UNC93A: variants seen among roughly 807,000 people sequenced by gnomAD.
UNC93A encodes unc-93 homolog A, also known as N-acetylglucosamine transporter UNC93A.
Under a neutral mutation model 47.5 loss-of-function variants are expected in UNC93A, and 43 were observed. The ratio of observed to expected loss-of-function variants is 0.91; its 90% CI spans 0.71 to 1.17. The LOEUF (loss-of-function observed/expected upper bound fraction) is 1.17. UNC93A is among the 50% of genes most tolerant of loss of function. The pLI, the probability that UNC93A is intolerant of heterozygous loss-of-function variation, is 0.00. For missense variants in UNC93A, 605 were observed against 577.6 expected, an observed-to-expected ratio of 1.05 and a Z score of -0.49; for synonymous variants, 280 against 258.0, an observed-to-expected ratio of 1.09 and a Z score of -0.82.
chr6:167,287,116 C>T (rs999581448), upstream of UNC93A, among the ~76,000 whole-genome samples: 2 of 152,024 alleles, frequency 1.3e-5, no homozygotes, highest in Non-Finnish European at 2.9e-5. Flanking sequence ...CAATCACAGC[C>T]GTATTTGGCT....
chr6:167,272,666 C>T (rs1414122205), intron 1 of UNC93A, among the ~76,000 whole-genome samples: 3 of 152,128 alleles, frequency 2.0e-5, no homozygotes, highest in African/African-American at 7.2e-5. Flanking sequence ...TTTGGGGGAC[C>T]TATTGCTATT....
intron 7 of UNC93A, among the ~76,000 whole-genome samples, chr6:167,312,838 A>G (rs376035205): frequency 2.9e-4 from 44 of 152,238 alleles, no homozygotes; most frequent in African/African-American, 1.0e-3. Context: ...TGTTTGGATT[A>G]AAATAGGAAC....
chr6:167,308,424 C>A (rs1778462304), intron 7 of UNC93A, among the ~76,000 whole-genome samples: 1 of 152,072 alleles, frequency 6.6e-6, no homozygotes, highest in Non-Finnish European at 1.5e-5. Flanking sequence ...TCTGGGGCAT[C>A]CTGGGCAGTG....
intron 4 of UNC93A, among the ~76,000 whole-genome samples, chr6:167,299,562 G>A (rs747213444): frequency 6.6e-6 from 1 of 152,218 alleles, no homozygotes; most frequent in Non-Finnish European, 1.5e-5. Flanking sequence ...CCTTTAGTAA[G>A]CTGAGAGCCT....
At chr6:167,303,281 A>G (rs781161363) in intron 4 of UNC93A, among the ~76,000 whole-genome samples, 5 of 152,040 alleles carry the variant, frequency 3.3e-5, no homozygotes, top group South Asian at 2.1e-4. Context: ...ACTAAATTCA[A>G]TTGGTAGCGC....
At chr6:167,295,565 C>T (rs1182298496) in intron 2 of UNC93A, among the ~76,000 whole-genome samples, 5 of 85,794 alleles carry the variant, frequency 5.8e-5, no homozygotes, top group African/African-American at 2.9e-4. Context: ...CTCCTCGCCT[C>T]CCTCGTGATC....
At chr6:167,281,863 G>A (rs912386886) in intron 1 of UNC93A, among the ~76,000 whole-genome samples, 3 of 152,264 alleles carry the variant, frequency 2.0e-5, no homozygotes, top group South Asian at 2.1e-4. Flanking sequence ...CTCACCCCTT[G>A]ACTTTCCTTT....
upstream of UNC93A, among the ~76,000 whole-genome samples, chr6:167,289,982 G>A (rs910683057): frequency 1.3e-5 from 2 of 152,192 alleles, no homozygotes; most frequent in Non-Finnish European, 2.9e-5. Context: ...TGGTGAAGTT[G>A]AACCATATAT....
chr6:167,298,043 G>A lies in UNC93A; in HGVS notation c.598G>A (p.Val200Ile), dbSNP rs753048382. ...CACCCAGAGGCCCTCCCAGCAGCTG[G>A]TCTACACCCTCCTGGGCATCTACAC... ...NSTQRPSQQL[V>I]YTLLGIYTGS... Residue 200 changes from valine to isoleucine, a missense_variant, in exon 4 of 8, where the codon GTC becomes ATC. By Grantham distance (29) the Val-to-Ile change is conservative. Coordinates refer to ENST00000230256, the MANE Select transcript of UNC93A (RefSeq NM_018974.4). 11 of 1,613,794 alleles carry A rather than the reference G, an allele frequency of 6.8e-6. No individual in the cohort carries two copies. Among genetic ancestry groups the A allele is most frequent in the Middle Eastern group, 1.6e-4 (1 of 6,062 alleles).
In UNC93A at chr6:167,296,137, G is replaced by T. The variant is rs780488509; in HGVS notation, c.375G>T (p.Lys125Asn). ...TCACGGGAAACACACATGCAGAGAA[G>T]GCGGGAAAGCGTGGCAAAGACATGG... ...LTITGNTHAE[K>N]AGKRGKDMVN... is the part of the protein sequence containing the mutation. Residue 125 changes from lysine to asparagine, a missense_variant, in exon 3 of 8, where the codon AAG becomes AAT. Transcript: ENST00000230256. The T allele has an allele frequency of 6.2e-7, 1 of 1,614,224 alleles. No homozygotes were observed. The highest frequency in any genetic ancestry group is 1.7e-5 in the Admixed American group (1 of 60,026).
At chr6:167,298,138 C>T in intron 4 of UNC93A, 68 bp downstream of exon 4, 1 of 1,554,302 alleles carries the variant, frequency 6.4e-7, no homozygotes, top group Non-Finnish European at 8.7e-7. Flanking sequence ...CCTGGGCTGA[C>T]AAAGACTGTC....
Position 167,315,850 on chromosome 6 carries a change from T to C in UNC93A, c.*398T>C. On this transcript the variant is annotated 3_prime_UTR_variant, in exon 8 of 8. Coordinates refer to ENST00000230256, the MANE Select transcript of UNC93A (RefSeq NM_018974.4). Reference sequence around the variant, plus strand: ...TTTACAAATGGGCGAACTTTTAAACTTCTAACTCTACTTGGATCAAAACCT... The same window carrying C: ...TTTACAAATGGGCGAACTTTTAAACCTCTAACTCTACTTGGATCAAAACCT... The C allele has an allele frequency of 1.1e-5, 2 of 187,936 alleles. No homozygotes were observed. The highest frequency in any genetic ancestry group is 1.7e-4 in the East Asian group (1 of 5,814). The allele number at this position is 187,936 out of a possible 1,614,324, so 11.6% of individuals were successfully genotyped here.
At chr6:167,287,396 C>T (rs117571342), upstream of UNC93A, among the ~76,000 whole-genome samples, 6,662 of 152,226 alleles carry the variant, frequency 0.044, 213 homozygotes, top group Non-Finnish European at 0.068. Context: ...CCCTATCGTC[C>T]CACCTGCTCT....
chr6:167,280,544 A>G (rs905374300), intron 1 of UNC93A, among the ~76,000 whole-genome samples: 1 of 152,072 alleles, frequency 6.6e-6, no homozygotes, highest in African/African-American at 2.4e-5. Context: ...GTTTCCATGG[A>G]TAATTTAAAA....
At chr6:167,284,025 T>G (rs1332223170) in intron 1 of UNC93A, among the ~76,000 whole-genome samples, 1 of 152,190 alleles carries the variant, frequency 6.6e-6, no homozygotes, top group Non-Finnish European at 1.5e-5. Flanking sequence ...GCCTGTACGT[T>G]CTACTAAAAC....
chr6:167,269,995 G>A (rs1583054081), upstream of UNC93A, among the ~76,000 whole-genome samples: 1 of 142,636 alleles, frequency 7.0e-6, no homozygotes, highest in East Asian at 2.2e-4. Context: ...TCTGCAGCTG[G>A]CCCTGGTAGA....
chr6:167,299,942 G>A (rs6923238), intron 4 of UNC93A, among the ~76,000 whole-genome samples: 11,378 of 152,252 alleles, frequency 0.075, 542 homozygotes, highest in East Asian at 0.22. Context: ...GAGAGACAGC[G>A]GGCAGAGACC....
At chr6:167,313,878 A>C (rs1778621688) in intron 7 of UNC93A, among the ~76,000 whole-genome samples, 1 of 152,194 alleles carries the variant, frequency 6.6e-6, no homozygotes, top group Admixed American at 6.5e-5. Context: ...CAACTAAATC[A>C]AAATTTGGTT....
chr6:167,280,519 A>AT (rs1320719413), intron 1 of UNC93A, among the ~76,000 whole-genome samples: 1 of 152,146 alleles, frequency 6.6e-6, no homozygotes, highest in African/African-American at 2.4e-5. Flanking sequence ...GGCCCTGTGC[A>AT]TTTTTTGTCC....
Sources: gnomAD v4.1 joint callset for allele counts (sites outside exome capture counted in the v4.1 genomes callset) on GRCh38, gnomAD v4.1.1 for gene constraint, MANE v1.5 for transcripts, NCBI Gene and HGNC (gene_info 2026-07-23, HGNC 2026-07-21) for gene names.